Variants in CNTNAP2 observed in about 807,000 individuals in gnomAD.
CNTNAP2 encodes the protein contactin-associated protein-like 2.
In CNTNAP2, 98 loss-of-function variants were observed where a neutral mutation model predicts 155.2. That is an observed-to-expected ratio of 0.63 (90% confidence interval 0.54 to 0.75). CNTNAP2 has a LOEUF of 0.75. Ranked by LOEUF, CNTNAP2 falls within the 30% of genes least tolerant of loss-of-function variation. CNTNAP2 has a pLI of 0.00. For synonymous variants in CNTNAP2, 651 were observed against 631.2 expected (o/e 1.03, Z -0.47); for missense variants, 1,727 against 1,688.1 (o/e 1.02, Z -0.40).
intron 20 of CNTNAP2, among the ~76,000 whole-genome samples, chr7:148,253,181 A>G (rs1255536866): frequency 1.3e-5 from 2 of 152,086 alleles, no homozygotes; most frequent in Non-Finnish European, 2.9e-5. Context: ...TTTACCTTCT[A>G]TTGTCTTCTA....
intron 3 of CNTNAP2, among the ~76,000 whole-genome samples, chr7:146,887,144 TTTTG>T (rs371502369): frequency 1.4e-4 from 21 of 152,142 alleles, no homozygotes; most frequent in African/African-American, 3.1e-4. Context: ...TACATAGTTT[TTTTG>T]TTTGTTTGTT....
At chr7:146,176,219 C>CTGATTTCAAACTTCTAAGTGT (rs1381075965) in intron 1 of CNTNAP2, among the ~76,000 whole-genome samples, 1 of 152,080 alleles carries the variant, frequency 6.6e-6, no homozygotes, top group African/African-American at 2.4e-5. Flanking sequence ...AATTATAAGT[C>CTGATTTCAAACTTCTAAGTGT]TGATTTCAAA....
At chr7:146,413,945 A>G (rs1165976885) in intron 1 of CNTNAP2, among the ~76,000 whole-genome samples, 1 of 152,176 alleles carries the variant, frequency 6.6e-6, no homozygotes, top group Non-Finnish European at 1.5e-5. Flanking sequence ...ACGACCTTAT[A>G]GACCAGGTAT....
intron 15 of CNTNAP2, among the ~76,000 whole-genome samples, chr7:148,071,608 C>A (rs1321138839): frequency 6.6e-6 from 1 of 152,090 alleles, no homozygotes; most frequent in East Asian, 1.9e-4. Flanking sequence ...TAATGGAATT[C>A]CTAGACAGAC....
chr7:147,344,175 C>T (rs1317647272), intron 9 of CNTNAP2, among the ~76,000 whole-genome samples: 2 of 152,122 alleles, frequency 1.3e-5, no homozygotes, highest in Admixed American at 6.6e-5. Context: ...AAAGAATGAG[C>T]AGTTGCCAGT....
chr7:147,928,475 T>A (rs1325473087), intron 14 of CNTNAP2, among the ~76,000 whole-genome samples: 1 of 152,150 alleles, frequency 6.6e-6, no homozygotes, highest in Non-Finnish European at 1.5e-5. Flanking sequence ...CATGAGTAGC[T>A]TATTTATTTA....
intron 8 of CNTNAP2, among the ~76,000 whole-genome samples, chr7:147,296,281 C>T (rs1805442149): frequency 1.3e-5 from 2 of 152,114 alleles, no homozygotes; most frequent in Admixed American, 6.5e-5. Flanking sequence ...AGTTAATCAA[C>T]AATAAATCCT....
At chr7:147,386,052 C>T (rs1261227044) in intron 9 of CNTNAP2, among the ~76,000 whole-genome samples, 1 of 152,202 alleles carries the variant, frequency 6.6e-6, no homozygotes, top group Non-Finnish European at 1.5e-5. Flanking sequence ...GGCTTCTGTT[C>T]TCTAAAGCAG....
chr7:147,294,216 T>C (rs1300531815), intron 8 of CNTNAP2, among the ~76,000 whole-genome samples: 2 of 152,206 alleles, frequency 1.3e-5, no homozygotes, highest in South Asian at 2.1e-4. Flanking sequence ...TTTACTAACT[T>C]GCACATAAAC....
Position 146,679,777 on chromosome 7 carries a change from C to T in CNTNAP2, c.98-94494C>T, listed in dbSNP as rs1439023378. On this transcript the variant is annotated intron_variant, in intron 1 of 23. Coordinates refer to ENST00000361727, the MANE Select transcript of CNTNAP2 (RefSeq NM_014141.6). The stretch of plus-strand genomic sequence containing the variant: ...CGTTTCTTCTTTCTTTTCTCTTTTG[C>T]CTGTATTCCCAATTATAGCGGTAAC... Among the ~76,000 whole-genome samples the T allele has an allele frequency of 2.0e-5, 3 of 151,936 alleles. No individual in the cohort carries two copies. The East Asian group carries it at 5.8e-4, about 29-fold the overall frequency.
chr7:146,426,587 C>T (rs1251385648), intron 1 of CNTNAP2, among the ~76,000 whole-genome samples: 6 of 143,282 alleles, frequency 4.2e-5, no homozygotes, highest in African/African-American at 1.3e-4. Context: ...AGTTTTAAGC[C>T]AAAAGTATTA....
At chr7:146,754,374 A>T (rs1011033743) in intron 1 of CNTNAP2, among the ~76,000 whole-genome samples, 1 of 151,722 alleles carries the variant, frequency 6.6e-6, no homozygotes, top group African/African-American at 2.4e-5. Flanking sequence ...AGAAAAAATC[A>T]TGTCCGTTAA....
rs1175630620 is a variant in CNTNAP2, at chr7:147,627,902, C to T, written c.1898-11204C>T. On this transcript the variant is annotated intron_variant, in intron 12 of 23. Transcript: ENST00000361727. The stretch of plus-strand genomic sequence containing the variant: ...AGAATTTTGGAGCTCAAAGACAAGG[C>T]TTTCAAATTAAGCCAATCAGACAAA... 2.0e-5 allele frequency among the ~76,000 whole-genome samples: 3 copies of T among 149,392 alleles called. No homozygotes were observed. In the East Asian group the frequency reaches 5.8e-4, roughly 29 times the overall value.
intron 13 of CNTNAP2, among the ~76,000 whole-genome samples, chr7:147,865,039 T>A (rs1333594833): frequency 6.6e-6 from 1 of 152,216 alleles, no homozygotes; most frequent in Non-Finnish European, 1.5e-5. Flanking sequence ...TTTTTGCCCA[T>A]TCAGTATGAT....
intron 10 of CNTNAP2, among the ~76,000 whole-genome samples, chr7:147,397,383 GA>G (rs1020153588): frequency 5.3e-5 from 8 of 151,812 alleles, no homozygotes; most frequent in African/African-American, 1.7e-4. Flanking sequence ...GTTTTGTACA[GA>G]AAAAAATATT....
intron 13 of CNTNAP2, among the ~76,000 whole-genome samples, chr7:147,682,780 C>T (rs1327318580): frequency 6.6e-6 from 1 of 151,910 alleles, no homozygotes; most frequent in Non-Finnish European, 1.5e-5. Context: ...TTCTGTTCTA[C>T]ATTATACACA....
rs79887954 is a variant in CNTNAP2, at chr7:146,557,777, A to G, written c.98-216494A>G. 1.3e-4 allele frequency among the ~76,000 whole-genome samples: 20 copies of G among 152,322 alleles called. No homozygotes were observed. The East Asian group carries it at 3.5e-3, about 26-fold the overall frequency. On this transcript the variant is annotated intron_variant, in intron 1 of 23. Coordinates refer to ENST00000361727, the MANE Select transcript of CNTNAP2 (RefSeq NM_014141.6). ...GTATGCTCCCTGTGTGTGATTGTCT[A>G]GGTTGCAAATTGAGCTAATTTAATT...
At chr7:147,176,701 T>A (rs998746092) in intron 8 of CNTNAP2, among the ~76,000 whole-genome samples, 51 of 43,650 alleles carry the variant, frequency 1.2e-3, no homozygotes, top group Admixed American at 1.4e-3. Flanking sequence ...GAATTATATA[T>A]TATATATAAT....
chr7:147,682,305 A>T (rs1795957765), intron 13 of CNTNAP2, among the ~76,000 whole-genome samples: 1 of 151,970 alleles, frequency 6.6e-6, no homozygotes, highest in Non-Finnish European at 1.5e-5. Context: ...AGGGTTTCTG[A>T]AGCCTAAAAT....
Sources: allele counts gnomAD v4.1 joint callset (sites outside exome capture counted in the v4.1 genomes callset), GRCh38; gene constraint gnomAD v4.1.1; transcripts MANE v1.5; gene names NCBI Gene and HGNC (gene_info 2026-07-23, HGNC 2026-07-21).